MEOX2: variants seen among roughly 807,000 people sequenced by gnomAD.
The protein encoded by MEOX2 is homeobox protein MOX-2.
Under a neutral mutation model 27.0 loss-of-function variants are expected in MEOX2, and 11 were observed. That is an observed-to-expected ratio of 0.41 (90% CI 0.26 to 0.68). The LOEUF is 0.68. Among genes scored for constraint, MEOX2 ranks in the 30% least tolerant of loss-of-function variants. The pLI is 0.33. For missense variants in MEOX2, 436 were observed against 385.4 expected (o/e 1.13, Z -1.10); for synonymous variants, 189 against 155.4 (o/e 1.22, Z -1.61).
chr7:15,685,994 T>C lies in MEOX2; in HGVS notation c.409A>G (p.Ser137Gly), dbSNP rs767821407. 1.9e-6 allele frequency: 3 copies of C among 1,609,642 alleles called. No individual in the cohort carries two copies. Among genetic ancestry groups the C allele is most frequent in the Non-Finnish European group, 2.5e-6 (3 of 1,179,804 alleles). Residue 137 changes from serine (S) to glycine (G), a missense_variant, in exon 1 of 3, where the codon AGC becomes GGC. Coordinates refer to ENST00000262041, the MANE Select transcript of MEOX2 (RefSeq NM_005924.5). ...LCSNSSSLGS[S>G]TPTGAACAPG... is the part of the protein sequence containing the mutation. ...GCGCACGCGGCCCCAGTCGGGGTGCTGGAGCCCAAGCTGGAAGAGTTGGAG... is the reference window on the plus strand; with the variant it reads ...GCGCACGCGGCCCCAGTCGGGGTGCCGGAGCCCAAGCTGGAAGAGTTGGAG...
chr7:15,622,337 C>T (rs1460782164), intron 2 of MEOX2, among the ~76,000 whole-genome samples: 2 of 151,890 alleles, frequency 1.3e-5, no homozygotes, highest in Admixed American at 6.6e-5. Context: ...ATAAAATGAG[C>T]CTATGAGTCC....
chr7:15,626,902 A>C lies in MEOX2; in HGVS notation c.534T>G (p.Asn178Lys), dbSNP rs777256420. 37 of 1,611,912 alleles carry C rather than the reference A, an allele frequency of 2.3e-5. No individual in the cohort carries two copies. The highest frequency in any genetic ancestry group is 3.0e-5 in the Non-Finnish European group (35 of 1,179,214). Residue 178 changes from asparagine to lysine, a missense_variant, in exon 2 of 3, where the codon AAT becomes AAG. By Grantham distance (94) the Asn-to-Lys change is moderately conservative. Coordinates refer to ENST00000262041, the MANE Select transcript of MEOX2 (RefSeq NM_005924.5). ...KSDSSDSQEG[N>K]YKSEVNSKPR... Reference sequence around the variant, plus strand: ...GTTTGCTGTTGACTTCTGACTTGTAATTTCCTTCCTGGGAGTCTGAAAAAA... The same window carrying C: ...GTTTGCTGTTGACTTCTGACTTGTACTTTCCTTCCTGGGAGTCTGAAAAAA...
chr7:15,645,448 T>C (rs989805360), intron 1 of MEOX2, among the ~76,000 whole-genome samples: 3 of 152,178 alleles, frequency 2.0e-5, no homozygotes, highest in Non-Finnish European at 4.4e-5. Flanking sequence ...TGTAAAAGTA[T>C]AGACATGGGC....
intron 1 of MEOX2, among the ~76,000 whole-genome samples, chr7:15,669,093 T>G (rs1344843099): frequency 6.6e-6 from 1 of 152,170 alleles, no homozygotes; most frequent in Non-Finnish European, 1.5e-5. Flanking sequence ...AATTACCACA[T>G]CCACACATTT....
In MEOX2 at chr7:15,686,625, A is replaced by G. The variant is rs1326199806; in HGVS notation, c.-223T>C. The stretch of plus-strand genomic sequence containing the variant: ...CTGGAAGAGCTTCCCTGAGCTACTC[A>G]GATGTCAAGAGTGGGAGAGGTTGAA... On this transcript the variant is annotated 5_prime_UTR_variant, in exon 1 of 3. Coordinates refer to ENST00000262041, the MANE Select transcript of MEOX2 (RefSeq NM_005924.5). 3 of 561,106 alleles carry G rather than the reference A, an allele frequency of 5.3e-6. No homozygotes were observed. The East Asian group carries it at 8.6e-5, about 16-fold the overall frequency. The allele number at this position is 561,106 out of a possible 1,614,324, so 34.8% of individuals were successfully genotyped here. A position where few individuals can be genotyped will look rare whatever the true frequency, so the allele number is the denominator to read the frequency against.
Position 15,673,319 on chromosome 7 carries a change from T to C in MEOX2, c.517+12567A>G, listed in dbSNP as rs150815888. Among the ~76,000 whole-genome samples, 4 of 152,232 alleles carry C rather than the reference T, an allele frequency of 2.6e-5. No homozygotes were observed. The East Asian group carries it at 7.7e-4, about 29-fold the overall frequency. On this transcript the variant is annotated intron_variant, in intron 1 of 2. Coordinates refer to ENST00000262041, the MANE Select transcript of MEOX2 (RefSeq NM_005924.5). The stretch of plus-strand genomic sequence containing the variant: ...ATGGCAAGGGAAAAGTAATGATTAG[T>C]GTAGGGAGGTAGTGATCTTAAAAGG...
chr7:15,640,213 A>G (rs1193485062), intron 1 of MEOX2, among the ~76,000 whole-genome samples: 2 of 150,132 alleles, frequency 1.3e-5, no homozygotes, highest in African/African-American at 4.9e-5. Flanking sequence ...GGTCTGTTCT[A>G]GGTTTGTTGT....
chr7:15,615,534 C>T (rs1445602935), intron 2 of MEOX2, among the ~76,000 whole-genome samples: 1 of 151,906 alleles, frequency 6.6e-6, no homozygotes, highest in Non-Finnish European at 1.5e-5. Context: ...ACACTATTTT[C>T]CTGTATTATA....
chr7:15,624,787 G>T (rs770122843), intron 2 of MEOX2, among the ~76,000 whole-genome samples: 9 of 152,040 alleles, frequency 5.9e-5, no homozygotes, highest in Non-Finnish European at 1.2e-4. Context: ...GATTTGGAGT[G>T]GTTTGTTACA....
intron 2 of MEOX2, among the ~76,000 whole-genome samples, chr7:15,613,245 C>T (rs891828433): frequency 6.6e-6 from 1 of 152,012 alleles, no homozygotes; most frequent in African/African-American, 2.4e-5. Context: ...ATAAAAAATT[C>T]TCAACATTTG....
At chr7:15,648,547 A>T (rs1420817605) in intron 1 of MEOX2, among the ~76,000 whole-genome samples, 1 of 152,060 alleles carries the variant, frequency 6.6e-6, no homozygotes, top group Non-Finnish European at 1.5e-5. Context: ...TGGGTCCTTT[A>T]TTGTTACCAT....
rs191052926 is a variant in MEOX2 at position 15,639,698 on chromosome 7, C to T, written c.518-12780G>A. 1.8e-4 allele frequency among the ~76,000 whole-genome samples: 27 copies of T among 152,108 alleles called. No homozygotes were observed. In the East Asian group the frequency reaches 4.3e-3, roughly 24 times the overall value. On this transcript the variant is annotated intron_variant, in intron 1 of 2. Transcript: ENST00000262041. ...TCTGCATGTAGCTAGCCAGTTTTCC[C>T]GGAACCATTTATTAAAAACGGTGTC...
At chr7:15,645,346 C>T (rs1781624003) in intron 1 of MEOX2, among the ~76,000 whole-genome samples, 3 of 152,076 alleles carry the variant, frequency 2.0e-5, no homozygotes, top group Non-Finnish European at 4.4e-5. Flanking sequence ...AAGCAGTGTT[C>T]TTTAAATGAA....
intron 1 of MEOX2, among the ~76,000 whole-genome samples, chr7:15,670,155 A>G (rs962654502): frequency 2.6e-5 from 4 of 152,102 alleles, no homozygotes; most frequent in African/African-American, 9.7e-5. Context: ...CAATGATTTC[A>G]TATTTCTGAT....
chr7:15,631,043 T>G (rs1392171843), intron 1 of MEOX2, among the ~76,000 whole-genome samples: 1 of 151,826 alleles, frequency 6.6e-6, no homozygotes, highest in African/African-American at 2.4e-5. Context: ...GTGTGAGGAG[T>G]TAAAAATTGG....
At chr7:15,623,243 T>C (rs1169564747) in intron 2 of MEOX2, among the ~76,000 whole-genome samples, 1 of 152,196 alleles carries the variant, frequency 6.6e-6, no homozygotes, top group Non-Finnish European at 1.5e-5. Context: ...TGAAAGAATA[T>C]GCCATCTGAC....
chr7:15,686,221 G>A lies in MEOX2; in HGVS notation c.182C>T (p.Ala61Val), dbSNP rs758050775. 4 of 1,611,192 alleles carry A rather than the reference G, an allele frequency of 2.5e-6. No homozygotes were observed. The South Asian group carries it at 3.3e-5, about 13-fold the overall frequency. The change falls in exon 1 of 3, where the codon GCC becomes GTC. Residue 61 changes from alanine (A) to valine (V), a missense_variant. By Grantham distance (64) the Ala-to-Val change is moderately conservative. Coordinates refer to ENST00000262041, the MANE Select transcript of MEOX2 (RefSeq NM_005924.5). The part of the protein sequence containing the change: ...AGYPNEEGMF[A>V]SQHHRGHHHH... ...GTGGTGCCCCCTGTGATGCTGGCTGGCAAACATGCCCTCTTCGTTGGGGTA... is the reference window on the plus strand; with the variant it reads ...GTGGTGCCCCCTGTGATGCTGGCTGACAAACATGCCCTCTTCGTTGGGGTA...
intron 1 of MEOX2, 86 bp downstream of exon 1, chr7:15,685,800 C>G: frequency 6.7e-7 from 1 of 1,486,790 alleles, no homozygotes; most frequent in Non-Finnish European, 9.0e-7. Context: ...CTGCTGCCAC[C>G]CTCCAGTGCG....
chr7:15,646,512 C>T (rs1235456782), intron 1 of MEOX2, among the ~76,000 whole-genome samples: 1 of 151,930 alleles, frequency 6.6e-6, no homozygotes, highest in African/African-American at 2.4e-5. Flanking sequence ...TCAGTAAAAT[C>T]CATGATATTA....
Sources: gnomAD v4.1 joint callset for allele counts (sites outside exome capture counted in the v4.1 genomes callset) on GRCh38, gnomAD v4.1.1 for gene constraint, MANE v1.5 for transcripts, NCBI Gene and HGNC (gene_info 2026-07-23, HGNC 2026-07-21) for gene names.